The following TSPOAP1 variants were observed in gnomAD, a reference collection of about 807,000 sequenced individuals.
The protein encoded by TSPOAP1 is peripheral-type benzodiazepine receptor-associated protein 1.
A neutral mutation model predicts 197.0 loss-of-function variants in TSPOAP1; 87 were observed. The observed-to-expected ratio is 0.44, with a 90% CI of 0.37 to 0.53. The LOEUF is 0.53. TSPOAP1 is among the 20% of genes least tolerant of loss of function. TSPOAP1 has a pLI of 0.00. For synonymous variants in TSPOAP1, 913 were observed against 998.9 expected (o/e 0.91, Z 1.62); for missense variants, 2,174 against 2,411.3 (o/e 0.90, Z 2.06).
chr17:58,305,472 G>A lies in TSPOAP1; in HGVS notation c.5362-14C>T. The A allele has an allele frequency of 6.2e-7, 1 of 1,613,912 alleles. No homozygotes were observed. Among genetic ancestry groups the A allele is most frequent in the East Asian group, 2.2e-5 (1 of 44,888 alleles). ...GGGCAGCTCTGCCTGTGGAAAACAA[G>A]AGGAGGGCATCAGGCCCAGGAAGGC... On this transcript the variant is annotated splice_polypyrimidine_tract_variant and intron_variant, in intron 28 of 31. Transcript: ENST00000343736.
rs1490959016 is a variant in TSPOAP1 at position 58,324,231 on chromosome 17, G to A, written c.942+580C>T. Among the ~76,000 whole-genome samples the A allele has an allele frequency of 6.6e-6, 1 of 152,206 alleles. No homozygotes were observed. Among genetic ancestry groups the A allele is most frequent in the Non-Finnish European group, 1.5e-5 (1 of 68,030 alleles). ...CCCAGCCCTCTTCCCAGAAGGAGGA[G>A]GACCTACTTGCTGCCTACCTAGGAT... On this transcript the variant is annotated intron_variant, in intron 5 of 31. Coordinates refer to ENST00000343736, the MANE Select transcript of TSPOAP1 (RefSeq NM_004758.4). The surrounding 1 kb of genome is among the most constrained non-coding windows in gnomAD (Gnocchi z 5.8).
chr17:58,320,988 T>C (rs1971389764), intron 10 of TSPOAP1, among the ~76,000 whole-genome samples: 1 of 152,096 alleles, frequency 6.6e-6, no homozygotes, highest in South Asian at 2.1e-4. Context: ...GTCTACTCTC[T>C]TCCTAGGGCT....
Position 58,305,145 on chromosome 17 carries a change from C to T in TSPOAP1, c.5460G>A (p.Leu1820=). ...GGCCCTCCAGGAAGTTGGATGGAAC[C>T]AGGCCCCTTTGTCCATTTAATTCCC... The part of the protein sequence containing the change: ...YYGELNGQRG[L]VPSNFLEGPG... Residue 1820 remains leucine, a synonymous_variant, in exon 30 of 32, where the codon CTG becomes CTA. Transcript: ENST00000343736. 1 of 1,613,904 alleles carries T rather than the reference C, an allele frequency of 6.2e-7. No individual in the cohort carries two copies. Among genetic ancestry groups the T allele is most frequent in the South Asian group, 1.1e-5 (1 of 91,080 alleles).
chr17:58,307,546 A>G, intron 24 of TSPOAP1, 65 bp downstream of exon 24: 2 of 1,562,298 alleles, frequency 1.3e-6, no homozygotes, highest in Non-Finnish European at 1.7e-6. Flanking sequence ...CAGTGGAGGA[A>G]AGGAGGGAGG....
chr17:58,309,428 T>G lies in TSPOAP1; in HGVS notation c.3892-48A>C. The G allele has an allele frequency of 6.4e-7, 1 of 1,554,428 alleles. No homozygotes were observed. The highest frequency in any genetic ancestry group is 1.2e-5 in the South Asian group (1 of 84,016). On this transcript the variant is annotated intron_variant, in intron 21 of 31. Transcript: ENST00000343736. This position sits in a 1 kb window ranked among gnomAD's most constrained non-coding sequence, Gnocchi z 5.0. ...AGTAGAACACAGCAGGGAAGAGAGA[T>G]GCGTGGGGAAGAGGAGAGCGAGCTG...
intron 4 of TSPOAP1, chr17:58,325,317 G>T: frequency 1.6e-6 from 1 of 643,792 alleles, no homozygotes; most frequent in South Asian, 1.9e-5. Context: ...CCGGCAAACA[G>T]CCTCAAGCCT....
rs1970814516 is a variant in TSPOAP1 at position 58,304,461 on chromosome 17, G to A, written c.5545-62C>T. On this transcript the variant is annotated intron_variant, in intron 30 of 31. Coordinates refer to ENST00000343736, the MANE Select transcript of TSPOAP1 (RefSeq NM_004758.4). This position sits in a 1 kb window ranked among gnomAD's most constrained non-coding sequence, Gnocchi z 4.2. ...GACAGACCCGCACCTTCTCCGCCCG[G>A]CCACCAGGTGGCCCTGCGCAGGGGT... 4 of 1,434,582 alleles carry A rather than the reference G, an allele frequency of 2.8e-6. No individual in the cohort carries two copies. In the South Asian group the frequency reaches 4.6e-5, roughly 16 times the overall value. 88.9% of individuals were successfully genotyped at this position (1,434,582 alleles called of 1,614,324 possible).
Position 58,326,276 on chromosome 17 carries a change from C to T in TSPOAP1, c.570+17G>A, listed in dbSNP as rs770272669. 35 of 1,613,306 alleles carry T rather than the reference C, an allele frequency of 2.2e-5. No homozygotes were observed. The highest frequency in any genetic ancestry group is 2.8e-5 in the Non-Finnish European group (33 of 1,179,656). On this transcript the variant is annotated intron_variant, in intron 3 of 31. Transcript: ENST00000343736. This position sits in a 1 kb window ranked among gnomAD's most constrained non-coding sequence, Gnocchi z 4.7. ...CCTTGGTCACCCAGCCTCCGCCCAG[C>T]AGCCTCCTTTCCTCACCACCCTCAG...
Position 58,318,363 on chromosome 17 carries a change from T to C in TSPOAP1, c.1789A>G (p.Thr597Ala). The C allele has an allele frequency of 6.2e-7, 1 of 1,614,186 alleles. No individual in the cohort carries two copies. The highest frequency in any genetic ancestry group is 8.5e-7 in the Non-Finnish European group (1 of 1,180,030). ...GAGAGAGACTCTGCCTTCTTGGCTG[T>C]CCTTCGAGGGACCCCAGTGAGAGTG... ...PATLTGVPRR[T>A]AKKAESLSNS... The change falls in exon 14 of 32, where the codon ACA becomes GCA. Residue 597 changes from threonine to alanine, a missense_variant. By Grantham distance (58) the Thr-to-Ala change is moderately conservative (BLOSUM62 0). This residue lies in a region of TSPOAP1 where 1,933 missense variants were observed against 2,139.0 expected (regional missense o/e 0.90). Coordinates refer to ENST00000343736, the MANE Select transcript of TSPOAP1 (RefSeq NM_004758.4).
chr17:58,316,673 G>A, intron 14 of TSPOAP1, 133 bp from the exon 15 acceptor site: 2 of 649,646 alleles, frequency 3.1e-6, no homozygotes, highest in South Asian at 3.9e-5. Flanking sequence ...CTGCACAGGA[G>A]CAGTGGCAAG....
In TSPOAP1 at chr17:58,316,545, G is replaced by A. The variant is rs776511010; in HGVS notation, c.1873-5C>T. On this transcript the variant is annotated splice_region_variant and splice_polypyrimidine_tract_variant and intron_variant, in intron 14 of 31. Coordinates refer to ENST00000343736, the MANE Select transcript of TSPOAP1 (RefSeq NM_004758.4). ...TACCTCACTGGCTGTGTCCACCTGGGGGCAAACAGAAAGGGCTGGTTTCTC... is the reference window on the plus strand; with the variant it reads ...TACCTCACTGGCTGTGTCCACCTGGAGGCAAACAGAAAGGGCTGGTTTCTC... The A allele has an allele frequency of 6.2e-7, 1 of 1,601,260 alleles. No individual in the cohort carries two copies. Among genetic ancestry groups the A allele is most frequent in the East Asian group, 2.2e-5 (1 of 44,674 alleles).
rs567830669 is a variant in TSPOAP1, at chr17:58,318,100, A to G, written c.1872+180T>C. ...GGCTTGCAGGCAGGCAGTGGAGGGCAGGAAGGGCTCCACCTGAGCGCCTCG... is the reference window on the plus strand; with the variant it reads ...GGCTTGCAGGCAGGCAGTGGAGGGCGGGAAGGGCTCCACCTGAGCGCCTCG... On this transcript the variant is annotated intron_variant, in intron 14 of 31. Transcript: ENST00000343736. Among the ~76,000 whole-genome samples, 3 of 152,294 alleles carry G rather than the reference A, an allele frequency of 2.0e-5. No homozygotes were observed. The East Asian group carries it at 5.8e-4, about 29-fold the overall frequency.
Position 58,322,760 on chromosome 17 carries a change from G to A in TSPOAP1, c.1211C>T (p.Ala404Val), listed in dbSNP as rs113550364. The A allele has an allele frequency of 4.7e-5, 76 of 1,612,550 alleles. No individual in the cohort carries two copies. Among genetic ancestry groups the A allele is most frequent in the African/African-American group, 3.2e-4 (24 of 74,874 alleles). Residue 404 changes from alanine (A) to valine (V), a missense_variant, in exon 9 of 32, where the codon GCG (alanine) becomes GTG (valine). Around this residue, in one of 5 missense-constraint regions of TSPOAP1, gnomAD observed 1,933 missense variants for 2,139.0 expected, o/e 0.90. Coordinates refer to ENST00000343736, the MANE Select transcript of TSPOAP1 (RefSeq NM_004758.4). This position sits in a 1 kb window ranked among gnomAD's most constrained non-coding sequence, Gnocchi z 5.0. ...CCCCAGGAGCTGGCCCCTCAGCTCCGCATTCTCCCACTCCACCTGGCGAGG... is the reference window on the plus strand; with the variant it reads ...CCCCAGGAGCTGGCCCCTCAGCTCCACATTCTCCCACTCCACCTGGCGAGG... ...TEKEQVEWENAELRGQLLGVT... is the reference protein window; with the variant it reads ...TEKEQVEWENVELRGQLLGVT...
Position 58,311,732 on chromosome 17 carries a change from G to A in TSPOAP1, c.2930-10C>T. The A allele has an allele frequency of 6.4e-7, 1 of 1,554,038 alleles. No homozygotes were observed. Among genetic ancestry groups the A allele is most frequent in the Non-Finnish European group, 8.7e-7 (1 of 1,147,438 alleles). The stretch of plus-strand genomic sequence containing the variant: ...GGGGCATCAGGTGGGCCTGGGGGCA[G>A]GGGGGCACAAGACCCAGTGATGCAG... On this transcript the variant is annotated splice_polypyrimidine_tract_variant and intron_variant, in intron 17 of 31. Coordinates refer to ENST00000343736, the MANE Select transcript of TSPOAP1 (RefSeq NM_004758.4).
rs761515118 is a variant in TSPOAP1 at position 58,322,616 on chromosome 17, G to A, written c.1317+38C>T. On this transcript the variant is annotated intron_variant, in intron 9 of 31. Transcript: ENST00000343736. This position sits in a 1 kb window ranked among gnomAD's most constrained non-coding sequence, Gnocchi z 5.0. ...GCTGTCCCACTTGCTCCCCATGCCA[G>A]GGCCCAGCACCCTCTCCCACCTGCA... The A allele has an allele frequency of 1.9e-6, 3 of 1,601,872 alleles. No homozygotes were observed. Among genetic ancestry groups the A allele is most frequent in the Non-Finnish European group, 2.5e-6 (3 of 1,177,710 alleles).
chr17:58,326,353 C>T lies in TSPOAP1; in HGVS notation c.510G>A (p.Ala170=), dbSNP rs567996384. The T allele has an allele frequency of 4.0e-5, 64 of 1,614,056 alleles. No homozygotes were observed. Among genetic ancestry groups the T allele is most frequent in the East Asian group, 2.2e-4 (10 of 44,884 alleles). The change falls in exon 3 of 32, where the codon GCG becomes GCA. Residue 170 remains alanine (A), a synonymous_variant. Coordinates refer to ENST00000343736, the MANE Select transcript of TSPOAP1 (RefSeq NM_004758.4). The surrounding 1 kb of genome is among the most constrained non-coding windows in gnomAD (Gnocchi z 4.7). The part of the protein sequence containing the change: ...RRLKRKNAEL[A]VIAKRLEERA... ...TCTCCTCCAGGCGCTTGGCAATGACCGCCAGCTCGGCGTTCTTCCTCTTCA... is the reference window on the plus strand; with the variant it reads ...TCTCCTCCAGGCGCTTGGCAATGACTGCCAGCTCGGCGTTCTTCCTCTTCA...
rs1162711675 is a variant in TSPOAP1 at position 58,304,754 on chromosome 17, G to A, written c.5544+307C>T. 5.2e-6 allele frequency: 3 copies of A among 579,634 alleles called. 1 individual carries two copies. The highest frequency in any genetic ancestry group is 5.4e-4 in the Middle Eastern group (2 of 3,694). The allele number at this position is 579,634 out of a possible 1,614,324, so 35.9% of individuals were successfully genotyped here. On this transcript the variant is annotated intron_variant, in intron 30 of 31. Coordinates refer to ENST00000343736, the MANE Select transcript of TSPOAP1 (RefSeq NM_004758.4). This position sits in a 1 kb window ranked among gnomAD's most constrained non-coding sequence, Gnocchi z 4.2. ...ACAGGGACTTTGATTGGCCACAGGT[G>A]TGAGGCAGAGGGGTCCTTTTCCACA...
At chr17:58,308,361 G>A (rs1245017017) in intron 22 of TSPOAP1, among the ~76,000 whole-genome samples, 180 bp downstream of exon 22, 7 of 152,234 alleles carry the variant, frequency 4.6e-5, no homozygotes, top group African/African-American at 1.7e-4. Context: ...GTCCTGATCA[G>A]CAGAAGCAGC....
intron 12 of TSPOAP1, among the ~76,000 whole-genome samples, chr17:58,319,825 C>T (rs983454941): frequency 3.9e-5 from 6 of 152,228 alleles, no homozygotes; most frequent in East Asian, 1.9e-4. Context: ...GGGCTCTCTC[C>T]GGCCACTATG....
Sources: gnomAD v4.1 joint callset for allele counts (sites outside exome capture counted in the v4.1 genomes callset) on GRCh38, gnomAD v4.1.1 for gene constraint, gnomAD v4.1.1 regional missense constraint, Gnocchi (gnomAD v3.1) non-coding constraint, MANE v1.5 for transcripts, NCBI Gene and HGNC (gene_info 2026-07-23, HGNC 2026-07-21) for gene names.